SPECC1: variants seen among roughly 807,000 people sequenced by gnomAD.
SPECC1 encodes sperm antigen with calponin homology and coiled-coil domains 1, also known as cytospin-B.
A neutral mutation model predicts 104.1 loss-of-function variants in SPECC1; 62 were observed. The observed-to-expected ratio is 0.60, with a 90% CI of 0.49 to 0.74. The LOEUF (loss-of-function observed/expected upper bound fraction) is 0.74. Among genes scored for constraint, SPECC1 ranks in the 30% least tolerant of loss-of-function variants. The pLI is 0.00. For synonymous variants in SPECC1, 513 were observed against 501.6 expected, an observed-to-expected ratio of 1.02 and a Z score of -0.30; for missense variants, 1,306 against 1,310.5, an observed-to-expected ratio of 1.00 and a Z score of 0.05.
chr17:20,244,246 GC>G (rs1286449728), intron 7 of SPECC1, among the ~76,000 whole-genome samples: 3 of 151,986 alleles, frequency 2.0e-5, no homozygotes, highest in Non-Finnish European at 4.4e-5. Context: ...AAAAAAGGTG[GC>G]CCATTTTGTT....
intron 1 of SPECC1, among the ~76,000 whole-genome samples, chr17:20,069,045 A>G (rs2046456137): frequency 6.6e-6 from 1 of 152,210 alleles, no homozygotes; most frequent in African/African-American, 2.4e-5. Context: ...GGTTTGTTAT[A>G]CAGATTATTT....
At chr17:20,243,561 GAGACACAC>G in intron 7 of SPECC1, among the ~76,000 whole-genome samples, 1 of 152,208 alleles carries the variant, frequency 6.6e-6, no homozygotes, top group East Asian at 1.9e-4. Context: ...CATACACAGA[GAGACACAC>G]AGACACACAC....
At chr17:20,117,776 T>A (rs1186210568) in intron 3 of SPECC1, among the ~76,000 whole-genome samples, 1 of 149,562 alleles carries the variant, frequency 6.7e-6, no homozygotes, top group African/African-American at 2.5e-5. Flanking sequence ...AAAATACAGA[T>A]GGCTAGTGGA....
intron 4 of SPECC1, among the ~76,000 whole-genome samples, chr17:20,225,024 G>C (rs1406747773): frequency 6.6e-6 from 1 of 152,128 alleles, no homozygotes; most frequent in Non-Finnish European, 1.5e-5. Flanking sequence ...GCCAGGACTG[G>C]GTCCTTCCTT....
chr17:20,119,381 C>T (rs1461569095), intron 3 of SPECC1, among the ~76,000 whole-genome samples: 5 of 152,216 alleles, frequency 3.3e-5, no homozygotes, highest in East Asian at 3.9e-4. Flanking sequence ...TACAGGCTTG[C>T]GCCACCACGC....
At position 20,177,539 on chromosome 17, in the gene SPECC1, C is replaced by CTG. The variant is rs542832783; in HGVS notation, c.284-26792_284-26791dup. Among the ~76,000 whole-genome samples the CTG allele has an allele frequency of 1.2e-3, 181 of 152,248 alleles. 1 individual carries two copies. The highest frequency in any genetic ancestry group is 3.9e-3 in the African/African-American group (160 of 41,544). On this transcript the variant is annotated intron_variant, in intron 3 of 14. Coordinates refer to ENST00000395527, the MANE Select transcript of SPECC1 (RefSeq NM_001243439.2). ...GTCTGTTTACCCAGTTGAAACCTCA[C>CTG]TGTATATTAAATTTCATATCTTGAA...
At chr17:20,200,570 G>A (rs922507713) in intron 3 of SPECC1, among the ~76,000 whole-genome samples, 2 of 152,204 alleles carry the variant, frequency 1.3e-5, no homozygotes, top group African/African-American at 4.8e-5. Flanking sequence ...TGTCCCTTAT[G>A]TGGTGCTGTG....
intron 12 of SPECC1, among the ~76,000 whole-genome samples, chr17:20,279,563 C>T (rs977736939): frequency 5.9e-5 from 9 of 152,120 alleles, no homozygotes; most frequent in Non-Finnish European, 1.0e-4. Context: ...CTCAGGTGAT[C>T]CGCCTGCCTT....
chr17:20,046,092 A>G (rs2045529495), intron 1 of SPECC1, among the ~76,000 whole-genome samples: 1 of 150,320 alleles, frequency 6.7e-6, no homozygotes, highest in Non-Finnish European at 1.5e-5. Flanking sequence ...TGACGCTTTG[A>G]GAATTCTTTT....
intron 1 of SPECC1, among the ~76,000 whole-genome samples, chr17:20,018,779 G>A (rs1000075106): frequency 6.6e-6 from 1 of 152,230 alleles, no homozygotes; most frequent in Admixed American, 6.5e-5. Context: ...CACACAGGAT[G>A]TATGTGCTTA....
At chr17:20,249,277 G>T (rs1051037046) in intron 9 of SPECC1, among the ~76,000 whole-genome samples, 1 of 152,088 alleles carries the variant, frequency 6.6e-6, no homozygotes, top group Non-Finnish European at 1.5e-5. Flanking sequence ...AATCAACTGG[G>T]CATGGTGGTG....
chr17:20,124,723 A>G (rs1458640080), intron 3 of SPECC1, among the ~76,000 whole-genome samples: 1 of 152,210 alleles, frequency 6.6e-6, no homozygotes, highest in African/African-American at 2.4e-5. Flanking sequence ...TCCGAACATC[A>G]TAGCTGAGCC....
chr17:20,270,046 T>C (rs2040348512), intron 12 of SPECC1, among the ~76,000 whole-genome samples: 2 of 152,076 alleles, frequency 1.3e-5, no homozygotes, highest in African/African-American at 4.8e-5. Flanking sequence ...ATAAGAAATA[T>C]CCAGAATAGG....
At chr17:20,091,591 A>G (rs1265463155) in intron 1 of SPECC1, among the ~76,000 whole-genome samples, 2 of 152,200 alleles carry the variant, frequency 1.3e-5, no homozygotes, top group Admixed American at 6.5e-5. Flanking sequence ...GCTTAGAACT[A>G]CTACTGTAGA....
In SPECC1 at chr17:20,317,742, A is replaced by G. The variant is rs1345573352; in HGVS notation, c.*3677A>G. ...CCCTGTCACACACACACACAAAAAAAAGAAATACAGGTGGTGTTTTGGGGA... is the reference window on the plus strand; with the variant it reads ...CCCTGTCACACACACACACAAAAAAGAGAAATACAGGTGGTGTTTTGGGGA... On this transcript the variant is annotated 3_prime_UTR_variant, in exon 15 of 15. Coordinates refer to ENST00000395527, the MANE Select transcript of SPECC1 (RefSeq NM_001243439.2). 1 of 217,672 alleles carries G rather than the reference A, an allele frequency of 4.6e-6. No homozygotes were observed. The highest frequency in any genetic ancestry group is 9.2e-6 in the Non-Finnish European group (1 of 108,426). 13.5% of individuals were successfully genotyped at this position (217,672 alleles called of 1,614,324 possible).
At chr17:20,251,183 A>G (rs1044862718) in intron 9 of SPECC1, among the ~76,000 whole-genome samples, 3 of 139,686 alleles carry the variant, frequency 2.1e-5, no homozygotes, top group Non-Finnish European at 4.5e-5. Flanking sequence ...ACCTGAGATC[A>G]TTGCCATTCC....
chr17:20,224,601 A>T (rs575979461), intron 4 of SPECC1, among the ~76,000 whole-genome samples: 1 of 151,892 alleles, frequency 6.6e-6, no homozygotes, highest in African/African-American at 2.4e-5. Context: ...TCTCAAGCCA[A>T]AGGGATCTCT....
chr17:20,247,360 G>A, intron 9 of SPECC1, 41 bp downstream of exon 9: 2 of 1,429,684 alleles, frequency 1.4e-6, no homozygotes, highest in Middle Eastern at 1.9e-4. Flanking sequence ...ATGGTTTGCT[G>A]TGTATCCCTC....
Position 20,313,924 on chromosome 17 carries a change from G to A in SPECC1, c.3118-52G>A, listed in dbSNP as rs2041995835. ...CTGGACTGAAGTCCTTGAGGGGAAGGGGTCTGTGATGTCCTGCCTTGTGAT... is the reference window on the plus strand; with the variant it reads ...CTGGACTGAAGTCCTTGAGGGGAAGAGGTCTGTGATGTCCTGCCTTGTGAT... On this transcript the variant is annotated intron_variant, in intron 14 of 14. Transcript: ENST00000395527. 8 of 1,548,534 alleles carry A rather than the reference G, an allele frequency of 5.2e-6. No homozygotes were observed. In the Admixed American group the frequency reaches 5.2e-5, roughly 10 times the overall value.
Sources: allele counts gnomAD v4.1 joint callset (sites outside exome capture counted in the v4.1 genomes callset), GRCh38; gene constraint gnomAD v4.1.1; transcripts MANE v1.5; gene names NCBI Gene and HGNC (gene_info 2026-07-23, HGNC 2026-07-21).